The following USP15 variants were observed in gnomAD, a reference collection of about 807,000 sequenced individuals.
USP15 encodes ubiquitin carboxyl-terminal hydrolase 15.
A neutral mutation model predicts 127.1 loss-of-function variants in USP15; 18 were observed. The observed-to-expected ratio is 0.14, with a 90% CI of 0.10 to 0.21. The LOEUF is 0.21. Ranked by LOEUF, USP15 falls within the 10% of genes least tolerant of loss-of-function variation. USP15 has a pLI of 1.00. For missense variants in USP15, 805 were observed against 1,159.9 expected, an observed-to-expected ratio of 0.69 and a Z score of 4.44; for synonymous variants, 364 against 393.7, an observed-to-expected ratio of 0.92 and a Z score of 0.89.
intron 21 of USP15, 124 bp downstream of exon 21, chr12:62,401,399 A>T: frequency 1.7e-6 from 1 of 575,634 alleles, no homozygotes; most frequent in Non-Finnish European, 2.8e-6. Flanking sequence ...TAGCTAAAAG[A>T]CACTAACTCT....
intron 1 of USP15, among the ~76,000 whole-genome samples, chr12:62,278,329 G>C (rs1361229041): frequency 6.6e-6 from 1 of 152,092 alleles, no homozygotes. Context: ...TTATATATAA[G>C]TAGAAGGAGC....
At chr12:62,278,866 G>C (rs2063568632) in intron 1 of USP15, among the ~76,000 whole-genome samples, 1 of 152,090 alleles carries the variant, frequency 6.6e-6, no homozygotes, top group African/African-American at 2.4e-5. Flanking sequence ...ATTGACTACT[G>C]TACTGAAAAT....
intron 1 of USP15, among the ~76,000 whole-genome samples, chr12:62,277,062 G>A (rs888003762): frequency 2.8e-4 from 42 of 152,010 alleles, no homozygotes; most frequent in African/African-American, 9.9e-4. Context: ...GTGCATATAT[G>A]TGAAGATGTA....
intron 3 of USP15, chr12:62,303,300 T>C (rs2137198545): frequency 6.5e-6 from 1 of 153,502 alleles, no homozygotes; most frequent in Middle Eastern, 3.4e-3. Flanking sequence ...ATGAAGAAAC[T>C]AAAAGTTGAA....
At chr12:62,271,209 C>T (rs552726292) in intron 1 of USP15, among the ~76,000 whole-genome samples, 9 of 152,102 alleles carry the variant, frequency 5.9e-5, no homozygotes, top group East Asian at 5.8e-4. Context: ...ATGAAAAAAT[C>T]GTCACATCAT....
At chr12:62,330,758 A>C (rs910858878) in intron 6 of USP15, among the ~76,000 whole-genome samples, 1 of 83,582 alleles carries the variant, frequency 1.2e-5, no homozygotes, top group Non-Finnish European at 2.4e-5. Flanking sequence ...CCGTCTCTAC[A>C]AAAAAAAAAA....
At chr12:62,335,292 T>G in intron 6 of USP15, 3 of 1,490,196 alleles carry the variant, frequency 2.0e-6, no homozygotes, top group Non-Finnish European at 2.7e-6. Flanking sequence ...TGATATTAAC[T>G]CCACAAATGT....
intron 8 of USP15, among the ~76,000 whole-genome samples, chr12:62,369,221 G>A (rs2066583890): frequency 2.0e-5 from 3 of 152,174 alleles, no homozygotes; most frequent in Non-Finnish European, 4.4e-5. Context: ...TCAGGAGGGT[G>A]AAATTTGAGT....
At chr12:62,269,169 G>A (rs566332394) in intron 1 of USP15, among the ~76,000 whole-genome samples, 4 of 151,926 alleles carry the variant, frequency 2.6e-5, no homozygotes, top group Non-Finnish European at 4.4e-5. Context: ...CAATTTTGTC[G>A]TTGTGTGAAC....
chr12:62,335,364 C>T lies in USP15; in HGVS notation c.683+9431C>T, dbSNP rs1053638121. On this transcript the variant is annotated intron_variant, in intron 6 of 21. Transcript: ENST00000280377. ...TCGGAATCAGAAGAGATAAATGATG[C>T]GTTATCACTCAACAGTAATGTCTGC... The T allele has an allele frequency of 2.0e-5, 28 of 1,425,200 alleles. No individual in the cohort carries two copies. In the Admixed American group the frequency reaches 6.7e-4, roughly 34 times the overall value. 88.3% of individuals were successfully genotyped at this position (1,425,200 alleles called of 1,614,324 possible). A position where few individuals can be genotyped will look rare whatever the true frequency, so the allele number is the denominator to read the frequency against.
chr12:62,295,461 G>T (rs1199894534), intron 2 of USP15, among the ~76,000 whole-genome samples: 8 of 152,140 alleles, frequency 5.3e-5, no homozygotes, highest in Non-Finnish European at 1.2e-4. Flanking sequence ...AAAATATCCA[G>T]CATACAAAAA....
At chr12:62,306,331 C>T (rs2064482723) in intron 3 of USP15, among the ~76,000 whole-genome samples, 4 of 152,036 alleles carry the variant, frequency 2.6e-5, no homozygotes, top group African/African-American at 9.7e-5. Flanking sequence ...TGAAATGTGG[C>T]GTGGCTTTGG....
chr12:62,290,285 TG>T (rs2063922453), intron 1 of USP15, among the ~76,000 whole-genome samples: 1 of 152,210 alleles, frequency 6.6e-6, no homozygotes, highest in African/African-American at 2.4e-5. Flanking sequence ...TTTATGAATC[TG>T]GGTTTGGGTC....
chr12:62,367,466 A>C (rs982796266), intron 8 of USP15, among the ~76,000 whole-genome samples: 1 of 152,090 alleles, frequency 6.6e-6, no homozygotes, highest in African/African-American at 2.4e-5. Flanking sequence ...TGACCTCGTG[A>C]TCCGCCTGCC....
In USP15 at chr12:62,393,158, A is replaced by G; in HGVS notation, c.2526A>G (p.Arg842=). The part of the protein sequence containing the change: ...VVHLKRFSYS[R]YMRDKLDTLV... Reference sequence around the variant, plus strand: ...ATCTCAAGCGATTTTCTTACAGTCGATACATGAGAGACAAGTTGGATACCT... The same window carrying G: ...ATCTCAAGCGATTTTCTTACAGTCGGTACATGAGAGACAAGTTGGATACCT... The change falls in exon 19 of 22, where the codon CGA becomes CGG. Residue 842 remains arginine (R), a synonymous_variant. Coordinates refer to ENST00000280377, the MANE Select transcript of USP15 (RefSeq NM_001252078.2). The G allele has an allele frequency of 1.2e-6, 2 of 1,613,788 alleles. No homozygotes were observed.
At position 62,392,382 on chromosome 12, in the gene USP15, T is replaced by C; in HGVS notation, c.2415T>C (p.Asp805=). ...CAAAAGAAAAGCTAGGTGCTGAAGA[T>C]CCCTGGTAAGAGACAAAATTAAATA... ...FTTKEKLGAE[D]PWYCPNCKEH... The change falls in exon 18 of 22, where the codon GAT becomes GAC. Residue 805 remains aspartate (D), a synonymous_variant. Transcript: ENST00000280377. 1.3e-6 allele frequency: 2 copies of C among 1,587,144 alleles called. No homozygotes were observed. Among genetic ancestry groups the C allele is most frequent in the Non-Finnish European group, 8.6e-7 (1 of 1,169,474 alleles).
intron 8 of USP15, among the ~76,000 whole-genome samples, chr12:62,370,642 T>A (rs1384016589): frequency 6.6e-6 from 1 of 152,158 alleles, no homozygotes; most frequent in Non-Finnish European, 1.5e-5. Context: ...CCTATAGAAA[T>A]TGCTTTTGAT....
chr12:62,264,207 C>T (rs1420537096), intron 1 of USP15, among the ~76,000 whole-genome samples: 2 of 152,160 alleles, frequency 1.3e-5, no homozygotes, highest in Admixed American at 1.3e-4. Flanking sequence ...TGGTCTCGAA[C>T]TCCTGGCCTC....
chr12:62,298,477 C>T (rs1298076059), intron 2 of USP15, among the ~76,000 whole-genome samples: 2 of 152,020 alleles, frequency 1.3e-5, no homozygotes, highest in African/African-American at 2.4e-5. Flanking sequence ...CCATTCTGGC[C>T]AACATGGTGA....
Sources: gnomAD v4.1 joint callset for allele counts (sites outside exome capture counted in the v4.1 genomes callset) on GRCh38, gnomAD v4.1.1 for gene constraint, MANE v1.5 for transcripts, NCBI Gene and HGNC (gene_info 2026-07-23, HGNC 2026-07-21) for gene names.